ESCO1: variants seen among roughly 807,000 people sequenced by gnomAD.
ESCO1 encodes establishment of sister chromatid cohesion N-acetyltransferase 1, also known as N-acetyltransferase ESCO1.
ESCO1 carries 33 observed loss-of-function variants against 83.5 expected under a neutral mutation model. The ratio of observed to expected loss-of-function variants is 0.40; its 90% CI spans 0.30 to 0.53. ESCO1 has a LOEUF of 0.53. Among genes scored for constraint, ESCO1 ranks in the 20% least tolerant of loss-of-function variants. ESCO1 has a pLI of 0.63. For synonymous variants in ESCO1, 332 were observed against 324.3 expected (o/e 1.02, Z -0.25); for missense variants, 855 against 968.0 (o/e 0.88, Z 1.55).
intron 10 of ESCO1, among the ~76,000 whole-genome samples, chr18:21,534,503 T>C (rs1225083066): frequency 6.6e-6 from 1 of 152,234 alleles, no homozygotes; most frequent in East Asian, 1.9e-4. Context: ...CGGCAGTTTC[T>C]AGTAACACTC....
rs543830809 is a variant in ESCO1 at position 21,557,052 on chromosome 18, C to A, written c.1953+3807G>T. On this transcript the variant is annotated intron_variant, in intron 8 of 11. Transcript: ENST00000269214. ...CAATGTTCTTTCCTATTTCTACCAA[C>A]GTCATAGTAATTCAGCACTATACAT... Among the ~76,000 whole-genome samples the A allele has an allele frequency of 3.0e-4, 46 of 152,266 alleles. 1 individual carries two copies. The highest frequency in any genetic ancestry group is 6.8e-3 in the Middle Eastern group (2 of 294).
At chr18:21,587,791 G>A (rs752357443) in intron 1 of ESCO1, among the ~76,000 whole-genome samples, 12 of 152,040 alleles carry the variant, frequency 7.9e-5, no homozygotes, top group Non-Finnish European at 1.8e-4. Context: ...AAATTAGCCA[G>A]GTGTGGTGGC....
chr18:21,573,242 T>C, intron 4 of ESCO1, 72 bp downstream of exon 4: 2 of 1,383,086 alleles, frequency 1.4e-6, no homozygotes, highest in Non-Finnish European at 9.8e-7. Flanking sequence ...ATTCTTATGC[T>C]AAAATGTTAT....
At chr18:21,598,171 G>C (rs1324587588) in intron 1 of ESCO1, among the ~76,000 whole-genome samples, 2 of 152,036 alleles carry the variant, frequency 1.3e-5, no homozygotes, top group African/African-American at 4.8e-5. Context: ...GCCAATAAAA[G>C]TCATGAAAAA....
At chr18:21,545,827 G>C (rs909569281) in intron 8 of ESCO1, among the ~76,000 whole-genome samples, 4 of 152,114 alleles carry the variant, frequency 2.6e-5, no homozygotes, top group Non-Finnish European at 5.9e-5. Context: ...TACTCGGGGG[G>C]GCTGAGGCAG....
At chr18:21,543,373 G>A (rs2146177606) in intron 8 of ESCO1, among the ~76,000 whole-genome samples, 1 of 152,244 alleles carries the variant, frequency 6.6e-6, no homozygotes, top group Admixed American at 6.5e-5. Context: ...GGTCAGGCTG[G>A]TTTCGAACTC....
chr18:21,598,677 G>A (rs547295001), intron 1 of ESCO1, among the ~76,000 whole-genome samples: 188 of 152,012 alleles, frequency 1.2e-3, no homozygotes, highest in Non-Finnish European at 2.1e-3. Context: ...CCTCCAGCCC[G>A]GACGACAGAG....
At position 21,574,296 on chromosome 18, in the gene ESCO1, T is replaced by G. The variant is rs770322344; in HGVS notation, c.548A>C (p.Lys183Thr). ...KHVKRKVLEV[K>T]SDSKEDENLV... ...ATTTTCATCTTCTTTAGAGTCAGAC[T>G]TTACTTCCAGTACTTTTCTCTTCAC... Residue 183 changes from lysine to threonine, a missense_variant, in exon 4 of 12, where the codon AAG (lysine) becomes ACG (threonine). Transcript: ENST00000269214. 1.2e-6 allele frequency: 2 copies of G among 1,613,898 alleles called. No individual in the cohort carries two copies. Among genetic ancestry groups the G allele is most frequent in the South Asian group, 1.1e-5 (1 of 91,070 alleles).
At position 21,540,554 on chromosome 18, in the gene ESCO1, G is replaced by A. The variant is rs566173065; in HGVS notation, c.1954-545C>T. The stretch of plus-strand genomic sequence containing the variant: ...TCACAACTACCAAAGCCACAAGAAG[G>A]AGACTATAAAAAATATAACTACCTT... On this transcript the variant is annotated intron_variant, in intron 8 of 11. Transcript: ENST00000269214. The A allele has an allele frequency of 1.3e-5, 17 of 1,301,964 alleles. No homozygotes were observed. In the South Asian group the frequency reaches 1.5e-4, roughly 12 times the overall value. The allele number at this position is 1,301,964 out of a possible 1,614,324, so 80.7% of individuals were successfully genotyped here. A position where few individuals can be genotyped will look rare whatever the true frequency, so the allele number is the denominator to read the frequency against.
At chr18:21,533,867 C>T (rs2037798654) in intron 10 of ESCO1, among the ~76,000 whole-genome samples, 1 of 152,116 alleles carries the variant, frequency 6.6e-6, no homozygotes, top group African/African-American at 2.4e-5. Context: ...TTCATAAGCA[C>T]TATATAATAA....
At chr18:21,587,408 G>A (rs1310775491) in intron 1 of ESCO1, among the ~76,000 whole-genome samples, 1 of 151,964 alleles carries the variant, frequency 6.6e-6, no homozygotes, top group African/African-American at 2.4e-5. Flanking sequence ...ATTTTTGGAG[G>A]TATTTTTATT....
chr18:21,542,787 T>TTAAC (rs1377406335), intron 8 of ESCO1, among the ~76,000 whole-genome samples: 1 of 152,226 alleles, frequency 6.6e-6, no homozygotes, highest in Admixed American at 6.5e-5. Flanking sequence ...TCAACTACAG[T>TTAAC]TAACTGCTAG....
chr18:21,560,546 T>C (rs967955621), intron 8 of ESCO1, among the ~76,000 whole-genome samples: 3 of 152,052 alleles, frequency 2.0e-5, no homozygotes, highest in African/African-American at 4.8e-5. Context: ...TAAATAATTA[T>C]TGAAATCAAA....
intron 8 of ESCO1, among the ~76,000 whole-genome samples, chr18:21,548,569 G>A (rs1014041308): frequency 2.6e-5 from 4 of 152,110 alleles, no homozygotes; most frequent in African/African-American, 9.7e-5. Context: ...GGAGGCCGAG[G>A]TGAGAGGGCT....
chr18:21,566,709 A>G (rs1031031061), intron 5 of ESCO1, among the ~76,000 whole-genome samples: 1 of 152,060 alleles, frequency 6.6e-6, no homozygotes, highest in Non-Finnish European at 1.5e-5. Context: ...AAAAATACAA[A>G]ATAAGCCGGG....
chr18:21,531,669 A>T (rs1032746087), intron 11 of ESCO1, among the ~76,000 whole-genome samples: 1 of 151,532 alleles, frequency 6.6e-6, no homozygotes, highest in Non-Finnish European at 1.5e-5. Context: ...AAATAGAAAA[A>T]TTGGCCAGAT....
intron 8 of ESCO1, among the ~76,000 whole-genome samples, chr18:21,556,995 G>T (rs1396273640): frequency 2.0e-5 from 3 of 151,978 alleles, no homozygotes; most frequent in Non-Finnish European, 4.4e-5. Context: ...CCACTGACCG[G>T]TATTGTCGAC....
chr18:21,593,212 C>G (rs2038708120), intron 1 of ESCO1: 1 of 183,826 alleles, frequency 5.4e-6, no homozygotes, highest in Admixed American at 6.3e-5. Flanking sequence ...AGGCTGCACT[C>G]TGGGCACTTT....
chr18:21,581,163 A>C (rs181740265), intron 2 of ESCO1, among the ~76,000 whole-genome samples: 185 of 152,062 alleles, frequency 1.2e-3, no homozygotes, highest in African/African-American at 4.1e-3. Flanking sequence ...ATACAAAAAA[A>C]TTATCTGGGC....
Sources: allele counts gnomAD v4.1 joint callset (sites outside exome capture counted in the v4.1 genomes callset), GRCh38; gene constraint gnomAD v4.1.1; transcripts MANE v1.5; gene names NCBI Gene and HGNC (gene_info 2026-07-23, HGNC 2026-07-21).